The following BCL7A variants were observed in gnomAD, a reference collection of about 807,000 sequenced individuals.
The protein encoded by BCL7A is BAF chromatin remodeling complex subunit BCL7A, also known as B-cell CLL/lymphoma 7 protein family member A.
In BCL7A, 11 loss-of-function variants were observed where a neutral mutation model predicts 28.4. That is an observed-to-expected ratio of 0.39 (90% CI 0.24 to 0.64). The LOEUF (loss-of-function observed/expected upper bound fraction) is 0.64. Ranked by LOEUF, BCL7A falls within the 30% of genes least tolerant of loss-of-function variation. BCL7A has a pLI of 0.50. For missense variants in BCL7A, 222 were observed against 274.8 expected, an observed-to-expected ratio of 0.81 and a Z score of 1.36; for synonymous variants, 123 against 103.3, an observed-to-expected ratio of 1.19 and a Z score of -1.15.
chr12:122,055,197 C>A (rs140983036), intron 5 of BCL7A, among the ~76,000 whole-genome samples: 1 of 152,318 alleles, frequency 6.6e-6, no homozygotes, highest in Non-Finnish European at 1.5e-5. Context: ...CCAGCCTCGG[C>A]TGCTACGTTT....
In BCL7A at chr12:122,030,801, C is replaced by A; in HGVS notation, c.174+20C>A. 6.2e-7 allele frequency: 1 copy of A among 1,609,756 alleles called. No homozygotes were observed. The highest frequency in any genetic ancestry group is 1.1e-5 in the South Asian group (1 of 90,976). On this transcript the variant is annotated intron_variant, in intron 2 of 5. Transcript: ENST00000261822. ...GATGACGTGAGTATGGAGGGCTGGT[C>A]CCCTGGGGTGGGCCACCCATTCGTG...
At chr12:122,038,257 C>A (rs1441616357) in intron 3 of BCL7A, among the ~76,000 whole-genome samples, 1 of 150,898 alleles carries the variant, frequency 6.6e-6, no homozygotes. Context: ...CATGGCAAAA[C>A]CCCATCTCTA....
At chr12:122,052,674 T>C in intron 4 of BCL7A, among the ~76,000 whole-genome samples, 1 of 151,758 alleles carries the variant, frequency 6.6e-6, no homozygotes, top group East Asian at 1.9e-4. Context: ...TTTTTTATTG[T>C]TTTGTTTTTT....
At position 122,061,702 on chromosome 12, in the gene BCL7A, T is replaced by C; in HGVS notation, c.*2539T>C. The C allele has an allele frequency of 4.4e-6, 1 of 229,838 alleles. No homozygotes were observed. Among genetic ancestry groups the C allele is most frequent in the Non-Finnish European group, 8.6e-6 (1 of 116,098 alleles). 14.2% of individuals were successfully genotyped at this position (229,838 alleles called of 1,614,324 possible). On this transcript the variant is annotated 3_prime_UTR_variant, in exon 6 of 6. Coordinates refer to ENST00000261822, the MANE Select transcript of BCL7A (RefSeq NM_001024808.3). The stretch of plus-strand genomic sequence containing the variant: ...CAAGGGCTCCCAGGGCAAACCTAAT[T>C]CCCCCCAAAACGTGAAGTCGGGGAA...
intron 4 of BCL7A, among the ~76,000 whole-genome samples, chr12:122,052,425 A>T (rs1884210212): frequency 6.6e-6 from 1 of 152,160 alleles, no homozygotes; most frequent in African/African-American, 2.4e-5. Flanking sequence ...TTGTGCAACC[A>T]CCACTTCTAT....
chr12:122,025,041 C>T (rs2135837077), intron 1 of BCL7A, among the ~76,000 whole-genome samples: 1 of 149,938 alleles, frequency 6.7e-6, no homozygotes, highest in East Asian at 2.0e-4. Flanking sequence ...TCTGGTGTTT[C>T]AGCAAGGCAG....
chr12:122,054,118 T>C (rs1481558072), intron 4 of BCL7A, among the ~76,000 whole-genome samples: 1 of 152,172 alleles, frequency 6.6e-6, no homozygotes, highest in Non-Finnish European at 1.5e-5. Flanking sequence ...GGAGTTTCGC[T>C]CTGTCACCCA....
rs757056812 is a variant in BCL7A, at chr12:122,027,273, GTTGT to G, written c.93-3407_93-3404del. 2.4e-4 allele frequency among the ~76,000 whole-genome samples: 37 copies of G among 152,326 alleles called. No homozygotes were observed. In the East Asian group the frequency reaches 2.7e-3, roughly 11 times the overall value. ...TGGATTCTTATGCAAAGCCTGTTTT[GTTGT>G]TTGTTTGTTTGTTTGTTTGAAGTTT... is the stretch of plus-strand genomic sequence containing the variant. On this transcript the variant is annotated intron_variant, in intron 1 of 5. Coordinates refer to ENST00000261822, the MANE Select transcript of BCL7A (RefSeq NM_001024808.3).
intron 4 of BCL7A, 89 bp from the exon 5 acceptor site, chr12:122,054,716 C>A: frequency 7.4e-7 from 1 of 1,359,686 alleles, no homozygotes; most frequent in Non-Finnish European, 1.0e-6. Context: ...CCAAAACTAC[C>A]CGATTCAAGG....
intron 1 of BCL7A, among the ~76,000 whole-genome samples, chr12:122,027,456 C>G (rs2135839546): frequency 6.6e-6 from 1 of 152,316 alleles, no homozygotes; most frequent in Middle Eastern, 3.4e-3. Context: ...AGGAAGATCA[C>G]TTGAGCCCAG....
intron 4 of BCL7A, among the ~76,000 whole-genome samples, chr12:122,048,058 C>T (rs932131842): frequency 6.6e-6 from 1 of 152,002 alleles, no homozygotes; most frequent in East Asian, 1.9e-4. Context: ...CATGCACCCC[C>T]ACACCCGGCT....
intron 1 of BCL7A, 125 bp downstream of exon 1, chr12:122,022,308 G>A (rs2135832994): frequency 2.2e-6 from 1 of 456,700 alleles, no homozygotes; most frequent in South Asian, 8.8e-5. Flanking sequence ...CGGGCCCCGG[G>A]ACTTGGCGAG....
rs560075286 is a variant in BCL7A at position 122,034,786 on chromosome 12, ATCCTCCCTCCTTTCTCCCGGGG to A, written c.175-520_175-499del. ...AAGGAATGGCACGAAAAGCATCCCC[ATCCTCCCTCCTTTCTCCCGGGG>A]TCCTCCCTCCTTTCTCCCGGGGTCT... On this transcript the variant is annotated intron_variant, in intron 2 of 5. Coordinates refer to ENST00000261822, the MANE Select transcript of BCL7A (RefSeq NM_001024808.3). Among the ~76,000 whole-genome samples, 14 of 151,098 alleles carry A rather than the reference ATCCTCCCTCCTTTCTCCCGGGG, an allele frequency of 9.3e-5. No individual in the cohort carries two copies. In the South Asian group the frequency reaches 2.7e-3, roughly 29 times the overall value.
At chr12:122,024,836 T>C (rs1364232339) in intron 1 of BCL7A, among the ~76,000 whole-genome samples, 1 of 152,154 alleles carries the variant, frequency 6.6e-6, no homozygotes, top group East Asian at 1.9e-4. Flanking sequence ...GGGCACCCTG[T>C]ATTTTACCCA....
intron 2 of BCL7A, among the ~76,000 whole-genome samples, chr12:122,033,279 GC>G (rs1883780387): frequency 6.6e-6 from 1 of 151,838 alleles, no homozygotes; most frequent in African/African-American, 2.4e-5. Flanking sequence ...GAGACTGCAG[GC>G]ATGCATACCT....
rs1309330744 is a variant in BCL7A at position 122,030,791 on chromosome 12, G to C, written c.174+10G>C. ...GCCCAAGGTTGATGACGTGAGTATG[G>C]AGGGCTGGTCCCCTGGGGTGGGCCA... On this transcript the variant is annotated intron_variant, in intron 2 of 5. Coordinates refer to ENST00000261822, the MANE Select transcript of BCL7A (RefSeq NM_001024808.3). The C allele has an allele frequency of 6.2e-7, 1 of 1,613,156 alleles. No individual in the cohort carries two copies.
chr12:122,031,407 G>T (rs1166853937), intron 2 of BCL7A, among the ~76,000 whole-genome samples: 1 of 152,138 alleles, frequency 6.6e-6, no homozygotes, highest in Non-Finnish European at 1.5e-5. Context: ...GGTGCCCACA[G>T]TTAGGCACGT....
chr12:122,039,846 C>T (rs757273125), intron 3 of BCL7A, among the ~76,000 whole-genome samples: 5 of 150,730 alleles, frequency 3.3e-5, no homozygotes, highest in African/African-American at 4.9e-5. Context: ...AGCAAGACTC[C>T]ATAAAAAAAA....
chr12:122,055,450 C>T (rs1951870127), intron 5 of BCL7A, among the ~76,000 whole-genome samples: 1 of 152,156 alleles, frequency 6.6e-6, no homozygotes, highest in African/African-American at 2.4e-5. Flanking sequence ...CTCCCAGAGT[C>T]GGGCCCAAGT....
Sources: gnomAD v4.1 joint callset for allele counts (sites outside exome capture counted in the v4.1 genomes callset) on GRCh38, gnomAD v4.1.1 for gene constraint, MANE v1.5 for transcripts, NCBI Gene and HGNC (gene_info 2026-07-23, HGNC 2026-07-21) for gene names.